The following SLC45A3 variants were observed in gnomAD, a reference collection of about 807,000 sequenced individuals.
SLC45A3 encodes solute carrier family 45 member 3.
Under a neutral mutation model 35.3 loss-of-function variants are expected in SLC45A3, and 17 were observed. The observed-to-expected ratio is 0.48, with a 90% CI of 0.33 to 0.72. The LOEUF is 0.72. Ranked by LOEUF, SLC45A3 falls within the 30% of genes least tolerant of loss-of-function variation. The pLI is 0.02. For missense variants in SLC45A3, 597 were observed against 731.7 expected (o/e 0.82, Z 2.12); for synonymous variants, 288 against 334.3 (o/e 0.86, Z 1.51).
At chr1:205,670,884 G>A (rs1474622387) in intron 1 of SLC45A3, among the ~76,000 whole-genome samples, 2 of 152,202 alleles carry the variant, frequency 1.3e-5, no homozygotes, top group South Asian at 2.1e-4. Flanking sequence ...GGGGGCAGAG[G>A]GGGCACACCA....
chr1:205,665,556 T>C (rs1671105841), intron 1 of SLC45A3, among the ~76,000 whole-genome samples: 1 of 152,082 alleles, frequency 6.6e-6, no homozygotes, highest in South Asian at 2.1e-4. Context: ...GCCGTCCAAC[T>C]GTCATGGGAG....
Position 205,663,250 on chromosome 1 carries a change from T to C in SLC45A3, c.541A>G (p.Ile181Val), listed in dbSNP as rs1260943621. Residue 181 changes from isoleucine to valine, a missense_variant, in exon 3 of 5, where the codon ATT becomes GTT. Around this residue, in one of 3 missense-constraint regions of SLC45A3, gnomAD observed 555 missense variants for 664.9 expected, o/e 0.83. Transcript: ENST00000367145. ...GGCLGYLLPA[I>V]DWDTSALAPY... is the part of the protein sequence containing the mutation. The stretch of plus-strand genomic sequence containing the variant: ...GCCAGGGCACTGGTGTCCCAGTCAA[T>C]GGCAGGCAGGAGGTAGCCCAGGCAG... 1.9e-6 allele frequency: 3 copies of C among 1,613,464 alleles called. No homozygotes were observed. Among genetic ancestry groups the C allele is most frequent in the South Asian group, 1.1e-5 (1 of 91,076 alleles).
chr1:205,658,983 A>G lies in SLC45A3; in HGVS notation c.*251T>C. The G allele has an allele frequency of 1.2e-5, 6 of 510,058 alleles. No homozygotes were observed. The highest frequency in any genetic ancestry group is 2.1e-5 in the Non-Finnish European group (6 of 285,776). 31.6% of individuals were successfully genotyped at this position (510,058 alleles called of 1,614,324 possible). On this transcript the variant is annotated 3_prime_UTR_variant, in exon 5 of 5. Coordinates refer to ENST00000367145, the MANE Select transcript of SLC45A3 (RefSeq NM_033102.3). The stretch of plus-strand genomic sequence containing the variant: ...TGGAGCCCTTCTGGCCTCCCTGTAT[A>G]AGTCCAGACTGAAACCCCCTTGGAA...
At chr1:205,661,393 G>A (rs1359246899) in intron 4 of SLC45A3, among the ~76,000 whole-genome samples, 1 of 152,150 alleles carries the variant, frequency 6.6e-6, no homozygotes, top group African/African-American at 2.4e-5. Context: ...GGGTAGGAAG[G>A]AGCCTGCCCC....
At chr1:205,674,686 A>G (rs1228653120) in intron 1 of SLC45A3, among the ~76,000 whole-genome samples, 1 of 151,704 alleles carries the variant, frequency 6.6e-6, no homozygotes, top group African/African-American at 2.4e-5. Context: ...AGCCCTTAGA[A>G]ATGAAAACCC....
intron 1 of SLC45A3, among the ~76,000 whole-genome samples, chr1:205,670,194 T>C (rs935749147): frequency 6.6e-6 from 1 of 152,232 alleles, no homozygotes; most frequent in Non-Finnish European, 1.5e-5. Context: ...ATGAGCATTC[T>C]TGTGAGACAA....
At position 205,662,039 on chromosome 1, in the gene SLC45A3, A is replaced by T. The variant is rs1653324670; in HGVS notation, c.1046T>A (p.Phe349Tyr). 6.2e-7 allele frequency: 1 copy of T among 1,613,938 alleles called. No individual in the cohort carries two copies. The highest frequency in any genetic ancestry group is 1.1e-5 in the South Asian group (1 of 91,072). Residue 349 changes from phenylalanine (F) to tyrosine (Y), a missense_variant, in exon 4 of 5, where the codon TTC (phenylalanine) becomes TAC (tyrosine). Coordinates refer to ENST00000367145, the MANE Select transcript of SLC45A3 (RefSeq NM_033102.3). This position sits in a 1 kb window ranked among gnomAD's most constrained non-coding sequence, Gnocchi z 6.2. Reference protein sequence around the residue: ...SLVMDRLVQRFGTRAVYLASV... With the variant: ...SLVMDRLVQRYGTRAVYLASV... ...GGCCAAATAGACTGCTCGAGTGCCGAATCGCTGCACCAGCCGGTCCATGAC... is the reference window on the plus strand; with the variant it reads ...GGCCAAATAGACTGCTCGAGTGCCGTATCGCTGCACCAGCCGGTCCATGAC...
rs1179061138 is a variant in SLC45A3, at chr1:205,659,336, G to C, written c.1560C>G (p.Val520=). The change falls in exon 5 of 5, where the codon GTC becomes GTG. Residue 520 remains valine, a synonymous_variant. Coordinates refer to ENST00000367145, the MANE Select transcript of SLC45A3 (RefSeq NM_033102.3). This position sits in a 1 kb window ranked among gnomAD's most constrained non-coding sequence, Gnocchi z 5.8. The part of the protein sequence containing the change: ...MGSIVQLSQS[V]TAYMVSAAGL... ...CTGCGGCAGACACCATATAGGCAGT[G>C]ACAGACTGGCTGAGCTGGACAATGG... 6.2e-7 allele frequency: 1 copy of C among 1,614,228 alleles called. No homozygotes were observed. The highest frequency in any genetic ancestry group is 2.2e-5 in the East Asian group (1 of 44,878).
rs2102401090 is a variant in SLC45A3 at position 205,658,846 on chromosome 1, C to T, written c.*388G>A. On this transcript the variant is annotated 3_prime_UTR_variant, in exon 5 of 5. Transcript: ENST00000367145. ...GGCTTAGAGATGGGAAACCAGGTGA[C>T]TGAGTTTATTCAGCTCCCAAAAACC... 1 of 260,886 alleles carries T rather than the reference C, an allele frequency of 3.8e-6. No individual in the cohort carries two copies. The highest frequency in any genetic ancestry group is 4.7e-5 in the Admixed American group (1 of 21,222). 16.2% of individuals were successfully genotyped at this position (260,886 alleles called of 1,614,324 possible).
chr1:205,659,646 TC>T lies in SLC45A3; in HGVS notation c.1249del (p.Asp417ThrfsTer11). Reference protein sequence around the residue: ...KQVFLPKYRGDTGGASSEDSL... With the variant: ...KQVFLPKYRGXTGGASSEDSL... ...GTCCTCACTGCTAGCACCTCCAGTGTCCCCTCGGTATTTGGGCAGGAACACC... is the reference window on the plus strand; with the variant it reads ...GTCCTCACTGCTAGCACCTCCAGTGTCCCTCGGTATTTGGGCAGGAACACC... On this transcript the variant is annotated frameshift_variant, in exon 5 of 5. Transcript: ENST00000367145. LOFTEE classifies it high-confidence loss of function. This position sits in a 1 kb window ranked among gnomAD's most constrained non-coding sequence, Gnocchi z 5.8. The T allele has an allele frequency of 6.5e-7, 1 of 1,528,686 alleles. No homozygotes were observed. Among genetic ancestry groups the T allele is most frequent in the Non-Finnish European group, 8.8e-7 (1 of 1,140,302 alleles). 94.7% of individuals were successfully genotyped at this position (1,528,686 alleles called of 1,614,324 possible).
chr1:205,659,206 C>T lies in SLC45A3; in HGVS notation c.*28G>A. 6.4e-7 allele frequency: 1 copy of T among 1,573,886 alleles called. No homozygotes were observed. The highest frequency in any genetic ancestry group is 1.2e-5 in the South Asian group (1 of 83,746). ...GGGAGCTGGGACCCAGTGAGGCAGG[C>T]CCTCCACCCCAATGTGCTGGAAGTT... On this transcript the variant is annotated 3_prime_UTR_variant, in exon 5 of 5. Transcript: ENST00000367145. The surrounding 1 kb of genome is among the most constrained non-coding windows in gnomAD (Gnocchi z 5.8).
Position 205,666,411 on chromosome 1 carries a change from G to A in SLC45A3, c.-230-1525C>T, listed in dbSNP as rs1395813448. On this transcript the variant is annotated intron_variant, in intron 1 of 4. Transcript: ENST00000367145. The surrounding 1 kb of genome is among the most constrained non-coding windows in gnomAD (Gnocchi z 4.1). ...TGGTCCCAGCTACTTAAGAGGCTGA[G>A]ATGGGAGGATTGCTTGAGCCTGGGA... Among the ~76,000 whole-genome samples, 1 of 152,236 alleles carries A rather than the reference G, an allele frequency of 6.6e-6. No homozygotes were observed. The highest frequency in any genetic ancestry group is 2.4e-5 in the African/African-American group (1 of 41,458).
chr1:205,671,856 ACT>A (rs10601329), intron 1 of SLC45A3, among the ~76,000 whole-genome samples: 80,262 of 134,348 alleles, frequency 0.6, 24,246 homozygotes, highest in Non-Finnish European at 0.74. Context: ...CAACAGGGTG[ACT>A]CTGTCTCAAA....
chr1:205,664,774 C>G lies in SLC45A3; in HGVS notation c.-118G>C. 2 of 1,461,170 alleles carry G rather than the reference C, an allele frequency of 1.4e-6. No individual in the cohort carries two copies. Among genetic ancestry groups the G allele is most frequent in the Non-Finnish European group, 1.8e-6 (2 of 1,111,968 alleles). The allele number at this position is 1,461,170 out of a possible 1,614,324, so 90.5% of individuals were successfully genotyped here. A position where few individuals can be genotyped will look rare whatever the true frequency, so the allele number is the denominator to read the frequency against. On this transcript the variant is annotated 5_prime_UTR_variant, in exon 2 of 5. Coordinates refer to ENST00000367145, the MANE Select transcript of SLC45A3 (RefSeq NM_033102.3). This position sits in a 1 kb window ranked among gnomAD's most constrained non-coding sequence, Gnocchi z 5.3. ...TTGCTGCCGCCAACTGCCTAGGAAT[C>G]AGCCAGGCGCCCATTTCTGCCAGCC...
At position 205,662,037 on chromosome 1, in the gene SLC45A3, C is replaced by A. The variant is rs779037654; in HGVS notation, c.1048G>T (p.Gly350Cys). ...CTGGCCAAATAGACTGCTCGAGTGC[C>A]GAATCGCTGCACCAGCCGGTCCATG... The part of the protein sequence containing the change: ...LVMDRLVQRF[G>C]TRAVYLASVA... The change falls in exon 4 of 5, where the codon GGC becomes TGC. Residue 350 changes from glycine to cysteine, a missense_variant. Around this residue, in one of 3 missense-constraint regions of SLC45A3, gnomAD observed 555 missense variants for 664.9 expected, o/e 0.83. Coordinates refer to ENST00000367145, the MANE Select transcript of SLC45A3 (RefSeq NM_033102.3). The surrounding 1 kb of genome is among the most constrained non-coding windows in gnomAD (Gnocchi z 6.2). 6.2e-7 allele frequency: 1 copy of A among 1,613,808 alleles called. No homozygotes were observed. Among genetic ancestry groups the A allele is most frequent in the Non-Finnish European group, 8.5e-7 (1 of 1,180,006 alleles).
intron 1 of SLC45A3, among the ~76,000 whole-genome samples, chr1:205,674,297 G>A (rs1371278231): frequency 1.3e-5 from 2 of 152,124 alleles, no homozygotes; most frequent in Non-Finnish European, 2.9e-5. Flanking sequence ...CAAGAGAAAA[G>A]CACAACAGGC....
At chr1:205,661,130 AG>A (rs1022148131) in intron 4 of SLC45A3, among the ~76,000 whole-genome samples, 2 of 152,188 alleles carry the variant, frequency 1.3e-5, no homozygotes, top group Admixed American at 1.3e-4. Flanking sequence ...GGAGGGGACA[AG>A]GATGACCACA....
At chr1:205,670,531 C>T (rs535961252) in intron 1 of SLC45A3, among the ~76,000 whole-genome samples, 14 of 152,218 alleles carry the variant, frequency 9.2e-5, no homozygotes, top group Admixed American at 1.3e-4. Context: ...GGCAGTGGGA[C>T]GGGGGACCCC....
chr1:205,671,812 A>G (rs1671220771), intron 1 of SLC45A3, among the ~76,000 whole-genome samples: 1 of 151,944 alleles, frequency 6.6e-6, no homozygotes, highest in Admixed American at 6.6e-5. Flanking sequence ...GTTGCAGTGA[A>G]CCGAGATCAT....
Sources: allele counts gnomAD v4.1 joint callset (sites outside exome capture counted in the v4.1 genomes callset), GRCh38; gene constraint gnomAD v4.1.1; regional missense constraint gnomAD v4.1.1; non-coding constraint Gnocchi (gnomAD v3.1); transcripts MANE v1.5; gene names NCBI Gene and HGNC (gene_info 2026-07-23, HGNC 2026-07-21).